The following ETV6 variants were observed in gnomAD, a reference collection of about 807,000 sequenced individuals.
The protein encoded by ETV6 is ETS variant transcription factor 6.
A neutral mutation model predicts 51.1 loss-of-function variants in ETV6; 16 were observed. That is an observed-to-expected ratio of 0.31 (90% CI 0.21 to 0.48). ETV6 has a LOEUF of 0.48. Among genes scored for constraint, ETV6 ranks in the 20% least tolerant of loss-of-function variants. The pLI is 0.99. For synonymous variants in ETV6, 240 were observed against 224.1 expected, an observed-to-expected ratio of 1.07 and a Z score of -0.64; for missense variants, 458 against 594.8, an observed-to-expected ratio of 0.77 and a Z score of 2.39.
intron 7 of ETV6, among the ~76,000 whole-genome samples, chr12:11,887,710 TGCACTCCAG>T (rs1216388090): frequency 6.9e-6 from 1 of 145,328 alleles, no homozygotes; most frequent in Non-Finnish European, 1.5e-5. Context: ...ATCGCGCCAC[TGCACTCCAG>T]CCTGGTGACA....
At chr12:11,758,699 A>G (rs1007409931) in intron 2 of ETV6, among the ~76,000 whole-genome samples, 1 of 152,142 alleles carries the variant, frequency 6.6e-6, no homozygotes, top group South Asian at 2.1e-4. Context: ...GTCCTTTGCT[A>G]TCACATCAGT....
intron 2 of ETV6, among the ~76,000 whole-genome samples, chr12:11,806,809 A>G (rs1402872018): frequency 3.3e-5 from 5 of 152,228 alleles, no homozygotes; most frequent in Non-Finnish European, 2.9e-5. Context: ...ACTTACGTAC[A>G]TGGTAGTCCT....
intron 1 of ETV6, among the ~76,000 whole-genome samples, chr12:11,700,630 T>C (rs921902517): frequency 3.3e-5 from 5 of 152,162 alleles, no homozygotes; most frequent in African/African-American, 1.2e-4. Context: ...ATTCTTATAG[T>C]ACAGTAAGCT....
chr12:11,793,824 T>G (rs1224147445), intron 2 of ETV6, among the ~76,000 whole-genome samples: 2 of 152,168 alleles, frequency 1.3e-5, no homozygotes, highest in Non-Finnish European at 2.9e-5. Flanking sequence ...AAGGCAGCGT[T>G]CTCCTTTTTT....
chr12:11,667,537 CTTT>C (rs1555111943), intron 1 of ETV6, among the ~76,000 whole-genome samples: 5 of 135,622 alleles, frequency 3.7e-5, no homozygotes, highest in Non-Finnish European at 6.2e-5. Context: ...GGTTTATTTT[CTTT>C]TTTTTTTTTT....
At chr12:11,821,203 A>C (rs953698794) in intron 2 of ETV6, among the ~76,000 whole-genome samples, 3 of 151,900 alleles carry the variant, frequency 2.0e-5, no homozygotes, top group Non-Finnish European at 4.4e-5. Flanking sequence ...TCTACTAAAA[A>C]TACAAAAAAA....
intron 6 of ETV6, among the ~76,000 whole-genome samples, chr12:11,885,572 C>A (rs552252737): frequency 7.2e-5 from 11 of 152,136 alleles, no homozygotes; most frequent in African/African-American, 2.4e-4. Context: ...GAAGGGTGAC[C>A]CAGAGATAGG....
chr12:11,885,818 G>A (rs775759394), intron 6 of ETV6, 108 bp from the exon 7 acceptor site: 26 of 748,626 alleles, frequency 3.5e-5, no homozygotes, highest in African/African-American at 2.5e-4. Flanking sequence ...AGGGCCACAG[G>A]CAGCAGCTGA....
chr12:11,882,327 T>C (rs1947109580), intron 5 of ETV6, among the ~76,000 whole-genome samples: 1 of 152,160 alleles, frequency 6.6e-6, no homozygotes, highest in Non-Finnish European at 1.5e-5. Flanking sequence ...TTCTGGAAAG[T>C]CCTAAGATTT....
intron 7 of ETV6, among the ~76,000 whole-genome samples, chr12:11,887,995 A>T (rs940144333): frequency 6.6e-6 from 1 of 152,152 alleles, no homozygotes; most frequent in Non-Finnish European, 1.5e-5. Context: ...AGAAGTTCCC[A>T]GGTTGGAGTC....
At chr12:11,737,382 C>G (rs1344367983) in intron 1 of ETV6, among the ~76,000 whole-genome samples, 1 of 152,164 alleles carries the variant, frequency 6.6e-6, no homozygotes, top group Non-Finnish European at 1.5e-5. Context: ...GTTTATGCAA[C>G]TAAAAAGTGT....
intron 2 of ETV6, among the ~76,000 whole-genome samples, chr12:11,760,615 T>C (rs1945070478): frequency 6.6e-6 from 1 of 152,208 alleles, no homozygotes; most frequent in Admixed American, 6.5e-5. Flanking sequence ...TATAGGGGTA[T>C]CCAGCAATTT....
At chr12:11,855,293 G>A (rs978801849) in intron 4 of ETV6, among the ~76,000 whole-genome samples, 1 of 152,092 alleles carries the variant, frequency 6.6e-6, no homozygotes, top group African/African-American at 2.4e-5. Flanking sequence ...GCGACAGAGC[G>A]AGACTCTGTC....
At chr12:11,865,641 AGTATT>A (rs1420213685) in intron 4 of ETV6, among the ~76,000 whole-genome samples, 1 of 148,374 alleles carries the variant, frequency 6.7e-6, no homozygotes, top group Non-Finnish European at 1.5e-5. Context: ...ATACTTATAT[AGTATT>A]AGTATATACT....
intron 1 of ETV6, among the ~76,000 whole-genome samples, chr12:11,668,051 C>G (rs1474962640): frequency 6.6e-6 from 1 of 152,044 alleles, no homozygotes; most frequent in Admixed American, 6.5e-5. Flanking sequence ...CCTGGCTGGT[C>G]TTGAACTCCT....
chr12:11,692,325 G>A (rs1864783013), intron 1 of ETV6, among the ~76,000 whole-genome samples: 1 of 152,014 alleles, frequency 6.6e-6, no homozygotes, highest in African/African-American at 2.4e-5. Flanking sequence ...TCCAGATGGG[G>A]CCCCTTGACC....
intron 6 of ETV6, among the ~76,000 whole-genome samples, chr12:11,885,056 G>A (rs1947164233): frequency 1.3e-5 from 2 of 152,180 alleles, no homozygotes; most frequent in Non-Finnish European, 2.9e-5. Context: ...ATAAGCAAGC[G>A]ATGCAAGAAG....
chr12:11,827,070 T>TCACACACACACACACACACACACACA (rs55959869), intron 2 of ETV6, among the ~76,000 whole-genome samples: 2 of 145,058 alleles, frequency 1.4e-5, no homozygotes, highest in Non-Finnish European at 3.0e-5. Flanking sequence ...GAAGTCTGTC[T>TCACACACACACACACACACACACACA]CACACACACA....
intron 2 of ETV6, among the ~76,000 whole-genome samples, chr12:11,756,699 C>G (rs960012247): frequency 6.6e-6 from 1 of 152,076 alleles, no homozygotes; most frequent in African/African-American, 2.4e-5. Flanking sequence ...ACCCAAAGGC[C>G]GCCCTTTTTC....
Sources: allele counts gnomAD v4.1 joint callset (sites outside exome capture counted in the v4.1 genomes callset), GRCh38; gene constraint gnomAD v4.1.1; transcripts MANE v1.5; gene names NCBI Gene and HGNC (gene_info 2026-07-23, HGNC 2026-07-21).